MACF1: variants seen among roughly 807,000 people sequenced by gnomAD.
MACF1 encodes the protein microtubule-actin cross-linking factor 1.
Under a neutral mutation model 854.8 loss-of-function variants are expected in MACF1, and 193 were observed. That is an observed-to-expected ratio of 0.23 (90% CI 0.20 to 0.25). The LOEUF is 0.25. Ranked by LOEUF, MACF1 falls within the 10% of genes least tolerant of loss-of-function variation. MACF1 has a pLI of 1.00. For synonymous variants in MACF1, 3,185 were observed against 3,226.7 expected (o/e 0.99, Z 0.44); for missense variants, 7,722 against 8,929.1 (o/e 0.86, Z 5.45).
Position 39,282,306 on chromosome 1 carries a change from C to T in MACF1, c.627C>T (p.Ile209=). The change falls in exon 7 of 101, where the codon ATC becomes ATT. Residue 209 remains isoleucine (I), a synonymous_variant. Transcript: ENST00000564288. ...TQKVTAGYTG[I]KCTNFSSCWS... Reference sequence around the variant, plus strand: ...AGGTGACAGCTGGTTACACAGGAATCAAATGCACCAACTTTTCCTCCTGCT... The same window carrying T: ...AGGTGACAGCTGGTTACACAGGAATTAAATGCACCAACTTTTCCTCCTGCT... The T allele has an allele frequency of 6.2e-7, 1 of 1,614,098 alleles. No homozygotes were observed. Among genetic ancestry groups the T allele is most frequent in the Non-Finnish European group, 8.5e-7 (1 of 1,179,982 alleles).
At chr1:39,219,088 G>A (rs1644616806) in intron 1 of MACF1, among the ~76,000 whole-genome samples, 1 of 152,094 alleles carries the variant, frequency 6.6e-6, no homozygotes, top group Admixed American at 6.6e-5. Flanking sequence ...GCAGAAATAA[G>A]GTAGAATTTT....
At chr1:39,312,485 G>A (rs1488667823) in intron 26 of MACF1, among the ~76,000 whole-genome samples, 1 of 151,952 alleles carries the variant, frequency 6.6e-6, no homozygotes, top group Non-Finnish European at 1.5e-5. Context: ...AAAAACAAGG[G>A]CAGCCTCTTA....
chr1:39,322,573 C>T (rs759881254), intron 31 of MACF1, 35 bp from the exon 32 acceptor site: 3 of 1,518,580 alleles, frequency 2.0e-6, no homozygotes, highest in Non-Finnish European at 2.7e-6. Flanking sequence ...ATTATAAAAC[C>T]CTGAGTAACT....
At chr1:39,238,164 G>A (rs1427336445) in intron 2 of MACF1, among the ~76,000 whole-genome samples, 1 of 152,214 alleles carries the variant, frequency 6.6e-6, no homozygotes, top group African/African-American at 2.4e-5. Flanking sequence ...GGGAAGGTGT[G>A]AGAAATGTGC....
At chr1:39,286,154 TA>T (rs1364357954) in intron 14 of MACF1, among the ~76,000 whole-genome samples, 2 of 151,916 alleles carry the variant, frequency 1.3e-5, no homozygotes, top group Non-Finnish European at 2.9e-5. Flanking sequence ...GCTAGGCCTA[TA>T]AGTGCAGGCT....
chr1:39,424,436 C>T (rs1043387723), intron 61 of MACF1, among the ~76,000 whole-genome samples: 1 of 152,142 alleles, frequency 6.6e-6, no homozygotes, highest in Non-Finnish European at 1.5e-5. Context: ...TGTGGTTGTT[C>T]TGCTGTAGTA....
intron 36 of MACF1, 29 bp downstream of exon 36, chr1:39,327,382 G>T: frequency 6.4e-7 from 1 of 1,570,726 alleles, no homozygotes; most frequent in South Asian, 1.1e-5. Flanking sequence ...TCCAAATATT[G>T]GGTGGATACC....
chr1:39,448,194 C>A (rs773417713), intron 83 of MACF1, 42 bp downstream of exon 83: 3 of 1,569,488 alleles, frequency 1.9e-6, no homozygotes, highest in South Asian at 1.2e-5. Flanking sequence ...CCATAGTATT[C>A]GCTAAAGCTT....
intron 40 of MACF1, among the ~76,000 whole-genome samples, chr1:39,342,171 T>C (rs2148485906): frequency 6.6e-6 from 1 of 152,158 alleles, no homozygotes; most frequent in Non-Finnish European, 1.5e-5. Flanking sequence ...GTTCCTATGT[T>C]AGTTTGCTTG....
At chr1:39,445,708 C>T (rs1377379901) in intron 80 of MACF1, among the ~76,000 whole-genome samples, 2 of 152,186 alleles carry the variant, frequency 1.3e-5, no homozygotes, top group East Asian at 3.8e-4. Flanking sequence ...GCCTGTAATT[C>T]CAGCACTTGG....
chr1:39,152,035 C>T (rs1185935219), intron 2 of MACF1, among the ~76,000 whole-genome samples: 1 of 151,814 alleles, frequency 6.6e-6, no homozygotes, highest in Non-Finnish European at 1.5e-5. Context: ...AGTGCAATGG[C>T]GCAATCTCAG....
intron 2 of MACF1, among the ~76,000 whole-genome samples, chr1:39,138,050 G>A (rs529132457): frequency 7.0e-6 from 1 of 143,682 alleles, no homozygotes; most frequent in African/African-American, 2.6e-5. Flanking sequence ...CTCCAGCCTG[G>A]GTAACAGTCG....
At chr1:39,163,340 CAAA>C (rs11371076) in intron 2 of MACF1, among the ~76,000 whole-genome samples, 2 of 80,354 alleles carry the variant, frequency 2.5e-5, no homozygotes, top group African/African-American at 5.6e-5. Context: ...AAGACTGTCT[CAAA>C]AAAAAAAAAA....
intron 6 of MACF1, among the ~76,000 whole-genome samples, chr1:39,260,159 T>A (rs1328605902): frequency 6.6e-6 from 1 of 152,176 alleles, no homozygotes; most frequent in Non-Finnish European, 1.5e-5. Context: ...GTAAAGAGGC[T>A]TTCAAGTTGA....
chr1:39,141,768 T>G (rs916476802), intron 2 of MACF1, among the ~76,000 whole-genome samples: 6 of 152,126 alleles, frequency 3.9e-5, no homozygotes, highest in Non-Finnish European at 8.8e-5. Context: ...GATTCTACCT[T>G]AGATTTGGAA....
rs1485430983 is a variant in MACF1 at position 39,337,413 on chromosome 1, A to G, written c.10215+82A>G. 73 of 1,432,642 alleles carry G rather than the reference A, an allele frequency of 5.1e-5. No individual in the cohort carries two copies. In the Middle Eastern group the frequency reaches 2.2e-3, roughly 44 times the overall value. The allele number at this position is 1,432,642 out of a possible 1,614,324, so 88.7% of individuals were successfully genotyped here. ...TTCCTTGAAGATTTCAAGACTTACT[A>G]GAACCTGCTTGCACTCTATTCTAGG... is the stretch of plus-strand genomic sequence containing the variant. On this transcript the variant is annotated intron_variant, in intron 38 of 100. Coordinates refer to ENST00000564288, the MANE Select transcript of MACF1 (RefSeq NM_001394062.1).
intron 2 of MACF1, among the ~76,000 whole-genome samples, chr1:39,243,417 T>C (rs1192404261): frequency 6.6e-6 from 1 of 152,228 alleles, no homozygotes. Context: ...TTTTTCTTTT[T>C]TTGAGACAGG....
chr1:39,085,858 C>T (rs554856412), intron 2 of MACF1, among the ~76,000 whole-genome samples: 1 of 152,268 alleles, frequency 6.6e-6, no homozygotes, highest in African/African-American at 2.4e-5. Context: ...TAACTGGACC[C>T]CCAGAGGGAT....
At chr1:39,414,327 A>G in intron 58 of MACF1, 1 of 1,614,046 alleles carries the variant, frequency 6.2e-7, no homozygotes. Context: ...TTTCAGAAGA[A>G]GGAACACCTG....
Sources: gnomAD v4.1 joint callset for allele counts (sites outside exome capture counted in the v4.1 genomes callset) on GRCh38, gnomAD v4.1.1 for gene constraint, MANE v1.5 for transcripts, NCBI Gene and HGNC (gene_info 2026-07-23, HGNC 2026-07-21) for gene names.